Variants in UBA1 observed in about 807,000 individuals in gnomAD.
UBA1 encodes the protein ubiquitin-like modifier-activating enzyme 1.
A neutral mutation model predicts 84.7 loss-of-function variants in UBA1; 4 were observed. That is an observed-to-expected ratio of 0.05 (90% confidence interval 0.02 to 0.11). UBA1 has a LOEUF of 0.11. Ranked by LOEUF, UBA1 falls within the 10% of genes least tolerant of loss-of-function variation. UBA1 has a pLI of 1.00. For synonymous variants in UBA1, 364 were observed against 362.6 expected, an observed-to-expected ratio of 1.00 and a Z score of -0.04; for missense variants, 513 against 902.8, an observed-to-expected ratio of 0.57 and a Z score of 5.53.
intron 22 of UBA1, 56 bp downstream of exon 22, chrX:47,212,919 C>T (rs1936985418): frequency 8.3e-7 from 1 of 1,206,404 alleles, no homozygotes; most frequent in Non-Finnish European, 1.1e-6. Flanking sequence ...GTTACCCACA[C>T]TTAGCCCCTC....
At position 47,214,335 on chromosome X, in the gene UBA1, C is replaced by G; in HGVS notation, c.2847C>G (p.Asn949Lys). The change falls in exon 24 of 26, where the codon AAC becomes AAG. Residue 949 changes from asparagine to lysine, a missense_variant. Asn to Lys is a moderately conservative substitution (Grantham distance 94). Transcript: ENST00000335972. The part of the protein sequence containing the change: ...PLAAPRHQYY[N>K]QEWTLWDRFE... ...CCCTCTTTGTCTTGCAGTACTATAA[C>G]CAAGAGTGGACATTGTGGGATCGCT... 2 of 1,210,893 alleles carry G rather than the reference C, an allele frequency of 1.7e-6. No homozygotes were observed. Among genetic ancestry groups the G allele is most frequent in the East Asian group, 3.0e-5 (1 of 33,821 alleles).
intron 6 of UBA1, 132 bp from the exon 7 acceptor site, chrX:47,201,144 C>A: frequency 1.3e-6 from 1 of 794,275 alleles, no homozygotes; most frequent in Non-Finnish European, 1.9e-6. Context: ...CCCCATGTGG[C>A]ACAAGTACCA....
intron 1 of UBA1, chrX:47,198,023 C>G (rs1482452886): frequency 2.2e-6 from 2 of 889,881 alleles, no homozygotes; most frequent in East Asian, 8.1e-5. Flanking sequence ...TAAGGGACTC[C>G]GCATGCAGAT....
At position 47,198,788 on chromosome X, in the gene UBA1, CT is replaced by C. The variant is rs782715257; in HGVS notation, c.1-8del. On this transcript the variant is annotated splice_polypyrimidine_tract_variant and intron_variant, in intron 1 of 25. Transcript: ENST00000335972. ...CATGTGCTCCAGGGTCACCTCTGACCTTTTTTTCCTCCAGATGTCCAGCTCG... is the reference window on the plus strand; with the variant it reads ...CATGTGCTCCAGGGTCACCTCTGACCTTTTTTCCTCCAGATGTCCAGCTCG... 1.2e-5 allele frequency: 14 copies of C among 1,207,036 alleles called. No homozygotes were observed. Among genetic ancestry groups the C allele is most frequent in the South Asian group, 1.1e-4 (6 of 56,719 alleles).
chrX:47,197,036 A>G, intron 1 of UBA1: 1 of 654,590 alleles, frequency 1.5e-6, no homozygotes, highest in Non-Finnish European at 1.8e-6. Flanking sequence ...TCAGTCAGAG[A>G]GTCAGTAAAT....
intron 24 of UBA1, 46 bp downstream of exon 24, chrX:47,214,474 T>C (rs1448092862): frequency 3.3e-6 from 4 of 1,196,360 alleles, no homozygotes; most frequent in African/African-American, 1.8e-5. Flanking sequence ...GGGGGCGAGG[T>C]GTACACGGTG....
intron 1 of UBA1, 106 bp from the exon 2 acceptor site, chrX:47,198,696 TG>T (rs2147249158): frequency 2.6e-6 from 2 of 756,128 alleles, no homozygotes; most frequent in Non-Finnish European, 4.1e-6. Flanking sequence ...TGCTGTAAAA[TG>T]GGGGTACTAA....
intron 2 of UBA1, 31 bp downstream of exon 2, chrX:47,198,950 C>T (rs1936302739): frequency 5.0e-6 from 6 of 1,204,637 alleles, no homozygotes; most frequent in Admixed American, 2.2e-5. Flanking sequence ...GACTGGCAGA[C>T]GAGGTGGTGG....
rs782318458 is a variant in UBA1 at position 47,202,206 on chromosome X, C to T, written c.862C>T (p.Arg288Cys). Residue 288 changes from arginine (R) to cysteine (C), a missense_variant, in exon 9 of 26, where the codon CGT becomes TGT. Arg to Cys is a radical substitution (Grantham distance 180). Transcript: ENST00000335972. ...CDTSNFSDYI[R>C]GGIVSQVKVP... is the part of the protein sequence containing the mutation. ...CACCTCCAACTTCTCCGACTACATC[C>T]GTGGAGGCATCGTCAGTCAGGTCAA... 6 of 1,208,750 alleles carry T rather than the reference C, an allele frequency of 5.0e-6. No homozygotes were observed. Among genetic ancestry groups the T allele is most frequent in the East Asian group, 5.9e-5 (2 of 33,761 alleles).
At chrX:47,214,213 A>G (rs1041863845) in intron 23 of UBA1, 114 bp from the exon 24 acceptor site, 3 of 644,720 alleles carry the variant, frequency 4.7e-6, no homozygotes, top group Non-Finnish European at 7.7e-6. Context: ...TTCGAACAAA[A>G]GAGGGTTGTG....
Position 47,199,355 on chromosome X carries a change from A to G in UBA1, c.323A>G (p.Gln108Arg), listed in dbSNP as rs1483576776. The change falls in exon 4 of 26, where the codon CAG (glutamine) becomes CGG (arginine). Residue 108 changes from glutamine (Q) to arginine (R), a missense_variant. By Grantham distance (43) the Gln-to-Arg change is conservative. Coordinates refer to ENST00000335972, the MANE Select transcript of UBA1 (RefSeq NM_003334.4). ...ACCCTACATGACCAGGGCACTGCCC[A>G]GTGGGCTGATCTTTCCTCCCAGGTA... is the stretch of plus-strand genomic sequence containing the variant. ...AVTLHDQGTA[Q>R]WADLSSQFYL... The G allele has an allele frequency of 8.3e-7, 1 of 1,210,744 alleles. No individual in the cohort carries two copies. Among genetic ancestry groups the G allele is most frequent in the East Asian group, 3.0e-5 (1 of 33,789 alleles).
At position 47,203,115 on chromosome X, in the gene UBA1, C is replaced by G; in HGVS notation, c.1339-19C>G. On this transcript the variant is annotated intron_variant, in intron 12 of 25. Transcript: ENST00000335972. ...TTCTGGGGAGGCCTCTCTAACCCTCCTCCCTTTGCATTCCTTAGCGCCAGA... is the reference window on the plus strand; with the variant it reads ...TTCTGGGGAGGCCTCTCTAACCCTCGTCCCTTTGCATTCCTTAGCGCCAGA... 8.3e-7 allele frequency: 1 copy of G among 1,211,083 alleles called. No individual in the cohort carries two copies. Among genetic ancestry groups the G allele is most frequent in the Non-Finnish European group, 1.1e-6 (1 of 894,901 alleles).
chrX:47,199,142 AT>A, intron 3 of UBA1, 36 bp downstream of exon 3: 1 of 1,211,982 alleles, frequency 8.3e-7, no homozygotes, highest in Non-Finnish European at 1.1e-6. Context: ...GGGGTGTGGA[AT>A]GGGACATTGA....
At chrX:47,204,737 C>T (rs1379480406) in intron 14 of UBA1, among the ~76,000 whole-genome samples, 2 of 111,457 alleles carry the variant, frequency 1.8e-5, no homozygotes, top group Non-Finnish European at 3.8e-5. Flanking sequence ...GTCTCCTAGG[C>T]TTACACTTCT....
chrX:47,192,589 C>T (rs1936084390), upstream of UBA1, among the ~76,000 whole-genome samples: 1 of 111,071 alleles, frequency 9.0e-6, no homozygotes, highest in African/African-American at 3.3e-5. Context: ...AATTTATATT[C>T]TCTGATTTTC....
At chrX:47,206,578 C>T in intron 16 of UBA1, 134 bp downstream of exon 16, 1 of 617,417 alleles carries the variant, frequency 1.6e-6, no homozygotes, top group Non-Finnish European at 2.6e-6. Context: ...AAACCTCCCT[C>T]CCTCACTTCC....
intron 1 of UBA1, chrX:47,197,025 G>A (rs1041694259): frequency 1.7e-6 from 1 of 590,596 alleles, no homozygotes; most frequent in Admixed American, 8.8e-5. Context: ...TCTACCCCAG[G>A]TCAGTCAGAG....
chrX:47,200,684 C>T (rs1159450059), intron 5 of UBA1, among the ~76,000 whole-genome samples: 1 of 112,171 alleles, frequency 8.9e-6, no homozygotes, highest in Non-Finnish European at 1.9e-5. Context: ...CTCCTCCCAG[C>T]TACCTCTTCA....
chrX:47,192,738 C>A (rs1936086454), upstream of UBA1, among the ~76,000 whole-genome samples: 1 of 111,361 alleles, frequency 9.0e-6, no homozygotes, highest in Non-Finnish European at 1.9e-5. Context: ...TTACAGGCGC[C>A]CGCCAACATG....
Sources: allele counts gnomAD v4.1 joint callset (sites outside exome capture counted in the v4.1 genomes callset), GRCh38; gene constraint gnomAD v4.1.1; transcripts MANE v1.5; gene names NCBI Gene and HGNC (gene_info 2026-07-23, HGNC 2026-07-21).